The following SPAG16 variants were observed in gnomAD, a reference collection of about 807,000 sequenced individuals.
SPAG16 encodes the protein sperm associated antigen 16, also known as sperm-associated antigen 16 protein.
In SPAG16, 86 loss-of-function variants were observed where a neutral mutation model predicts 80.4. The ratio of observed to expected loss-of-function variants is 1.07; its 90% confidence interval spans 0.90 to 1.28. SPAG16 has a LOEUF of 1.28. SPAG16 is among the 50% of genes most tolerant of loss of function. SPAG16 has a pLI of 0.00. For missense variants in SPAG16, 870 were observed against 765.3 expected (o/e 1.14, Z -1.61); for synonymous variants, 294 against 265.9 (o/e 1.11, Z -1.03).
intron 10 of SPAG16, among the ~76,000 whole-genome samples, chr2:213,622,109 G>A (rs2125055649): frequency 6.6e-6 from 1 of 152,280 alleles, no homozygotes; most frequent in African/African-American, 2.4e-5. Context: ...AAAGATGAGT[G>A]CATTTTTTTT....
chr2:213,579,533 T>C (rs989341490), intron 10 of SPAG16, among the ~76,000 whole-genome samples: 30 of 152,184 alleles, frequency 2.0e-4, no homozygotes, highest in African/African-American at 6.0e-4. Flanking sequence ...CTCCTTGATA[T>C]TTTATGCTGG....
At chr2:213,441,509 G>T (rs946188045) in intron 9 of SPAG16, among the ~76,000 whole-genome samples, 3 of 152,220 alleles carry the variant, frequency 2.0e-5, no homozygotes, top group Non-Finnish European at 4.4e-5. Flanking sequence ...GGAATCAGGA[G>T]TTGGACTTAC....
chr2:213,636,611 G>T (rs956977768), intron 10 of SPAG16, among the ~76,000 whole-genome samples: 1 of 152,096 alleles, frequency 6.6e-6, no homozygotes, highest in Non-Finnish European at 1.5e-5. Context: ...CCATTTGTTT[G>T]TTTCATCTAT....
rs748751967 is a variant in SPAG16 at position 214,076,525 on chromosome 2, GTGTGTGTGTGTGTGTGTC to G, written c.1528-31653_1528-31636del. Among the ~76,000 whole-genome samples the G allele has an allele frequency of 8.1e-3, 750 of 92,720 alleles. 3 individuals are homozygous for G. The highest frequency in any genetic ancestry group is 0.021 in the African/African-American group (467 of 22,158). The allele number at this position is 92,720 out of a possible 152,430, so 60.8% of individuals were successfully genotyped here. A position where few individuals can be genotyped will look rare whatever the true frequency, so the allele number is the denominator to read the frequency against. On this transcript the variant is annotated intron_variant, in intron 13 of 15. Transcript: ENST00000331683. ...TTCTTATTTTATTCTGTGTGTGTGTGTGTGTGTGTGTGTGTGTCTGTGTGTGTGTGTGTGTGTGTGTTT... is the reference window on the plus strand; with the variant it reads ...TTCTTATTTTATTCTGTGTGTGTGTGTGTGTGTGTGTGTGTGTGTGTGTTT...
chr2:214,218,182 G>A (rs1433360716), intron 15 of SPAG16, among the ~76,000 whole-genome samples: 1 of 152,086 alleles, frequency 6.6e-6, no homozygotes, highest in East Asian at 1.9e-4. Context: ...AGCTTCTGTT[G>A]TCAGTCTTTT....
In SPAG16 at chr2:213,930,153, G is replaced by A. The variant is rs1234873864; in HGVS notation, c.1400+8G>A. The A allele has an allele frequency of 1.9e-6, 3 of 1,610,090 alleles. No homozygotes were observed. Among genetic ancestry groups the A allele is most frequent in the Non-Finnish European group, 2.5e-6 (3 of 1,177,454 alleles). Reference sequence around the variant, plus strand: ...AATTTGGGATGTTAATAGGTAAGAAGTACTTTAAACATTACTAATCCTCTG... The same window carrying A: ...AATTTGGGATGTTAATAGGTAAGAAATACTTTAAACATTACTAATCCTCTG... On this transcript the variant is annotated splice_region_variant and intron_variant, in intron 12 of 15. Coordinates refer to ENST00000331683, the MANE Select transcript of SPAG16 (RefSeq NM_024532.5).
rs58070679 is a variant in SPAG16 at position 213,728,876 on chromosome 2, C to CAAAAAAAAAAAAAAAAAAAAAAAAAA, written c.1071-133589_1071-133564dup. Among the ~76,000 whole-genome samples the CAAAAAAAAAAAAAAAAAAAAAAAAAA allele has an allele frequency of 2.4e-4, 14 of 58,460 alleles. 1 individual carries two copies. Among genetic ancestry groups the CAAAAAAAAAAAAAAAAAAAAAAAAAA allele is most frequent in the Admixed American group, 2.6e-4 (1 of 3,838 alleles). The allele number at this position is 58,460 out of a possible 152,430, so 38.4% of individuals were successfully genotyped here. A position where few individuals can be genotyped will look rare whatever the true frequency, so the allele number is the denominator to read the frequency against. On this transcript the variant is annotated intron_variant, in intron 10 of 15. Coordinates refer to ENST00000331683, the MANE Select transcript of SPAG16 (RefSeq NM_024532.5). Reference sequence around the variant, plus strand: ...TGGGCGACAGAGTGAGACTCCGTCTCAAAAAAAAAAAAAAAAAAAAAAAAA... The same window carrying CAAAAAAAAAAAAAAAAAAAAAAAAAA: ...TGGGCGACAGAGTGAGACTCCGTCTCAAAAAAAAAAAAAAAAAAAAAAAAAAAAAAAAAAAAAAAAAAAAAAAAAAA...
chr2:214,288,586 C>T (rs1693555136), intron 15 of SPAG16, among the ~76,000 whole-genome samples: 1 of 152,006 alleles, frequency 6.6e-6, no homozygotes, highest in South Asian at 2.1e-4. Flanking sequence ...CGATCAGCAT[C>T]TATTAAATTT....
intron 10 of SPAG16, among the ~76,000 whole-genome samples, chr2:213,755,548 G>T (rs983011344): frequency 1.3e-5 from 2 of 152,106 alleles, no homozygotes; most frequent in African/African-American, 4.8e-5. Flanking sequence ...TTTTGTGAAA[G>T]ATAAACTACT....
At chr2:213,439,524 A>T (rs1281722503) in intron 9 of SPAG16, among the ~76,000 whole-genome samples, 2 of 152,212 alleles carry the variant, frequency 1.3e-5, no homozygotes, top group East Asian at 3.8e-4. Flanking sequence ...GGAAAGCAGA[A>T]CTTGTAAATG....
intron 10 of SPAG16, among the ~76,000 whole-genome samples, chr2:213,633,075 T>G (rs2062218341): frequency 6.6e-6 from 1 of 152,280 alleles, no homozygotes; most frequent in Middle Eastern, 3.4e-3. Flanking sequence ...TTGGTAGAAT[T>G]CAGCAGTGAA....
chr2:213,564,830 C>T (rs925099942), intron 10 of SPAG16, among the ~76,000 whole-genome samples: 2 of 152,066 alleles, frequency 1.3e-5, no homozygotes, highest in African/African-American at 4.8e-5. Flanking sequence ...GGAAACTGAA[C>T]GTAAAACAAT....
At chr2:213,806,631 C>A (rs2071785565) in intron 10 of SPAG16, among the ~76,000 whole-genome samples, 1 of 152,056 alleles carries the variant, frequency 6.6e-6, no homozygotes, top group African/African-American at 2.4e-5. Flanking sequence ...ATTCCTATAT[C>A]TTCCTAAAGG....
intron 10 of SPAG16, among the ~76,000 whole-genome samples, chr2:213,731,701 A>G (rs1032404252): frequency 2.0e-5 from 3 of 152,096 alleles, no homozygotes; most frequent in Non-Finnish European, 4.4e-5. Context: ...ATGTGTTCTC[A>G]TAATTTAGTT....
At chr2:213,780,157 C>T (rs1431626070) in intron 10 of SPAG16, among the ~76,000 whole-genome samples, 1 of 152,214 alleles carries the variant, frequency 6.6e-6, no homozygotes, top group African/African-American at 2.4e-5. Context: ...CTTCAGCCAG[C>T]TCTGGGGTCT....
chr2:213,487,401 C>T (rs1287201174), intron 9 of SPAG16, among the ~76,000 whole-genome samples: 1 of 152,002 alleles, frequency 6.6e-6, no homozygotes, highest in South Asian at 2.1e-4. Flanking sequence ...TATTTTACCT[C>T]TTCTATCCTG....
chr2:213,321,179 A>G (rs569956460), intron 5 of SPAG16, among the ~76,000 whole-genome samples: 12 of 152,090 alleles, frequency 7.9e-5, no homozygotes, highest in Non-Finnish European at 1.8e-4. Context: ...CAGGTTGCAG[A>G]TATGTATTAT....
At chr2:213,390,399 A>T (rs1243567103) in intron 9 of SPAG16, among the ~76,000 whole-genome samples, 2 of 152,222 alleles carry the variant, frequency 1.3e-5, no homozygotes, top group African/African-American at 4.8e-5. Flanking sequence ...ATAACTTATG[A>T]TGCATTTTTA....
intron 10 of SPAG16, among the ~76,000 whole-genome samples, chr2:213,610,361 G>T (rs142035994): frequency 3.4e-4 from 52 of 152,180 alleles, no homozygotes; most frequent in African/African-American, 1.2e-3. Flanking sequence ...AGGAAAGATT[G>T]ACTGAAAGTT....
Sources: gnomAD v4.1 joint callset for allele counts (sites outside exome capture counted in the v4.1 genomes callset) on GRCh38, gnomAD v4.1.1 for gene constraint, MANE v1.5 for transcripts, NCBI Gene and HGNC (gene_info 2026-07-23, HGNC 2026-07-21) for gene names.